IL1RAPL1: variants seen among roughly 807,000 people sequenced by gnomAD.
IL1RAPL1 encodes the protein interleukin 1 receptor accessory protein like 1.
A neutral mutation model predicts 48.4 loss-of-function variants in IL1RAPL1; 3 were observed. That is an observed-to-expected ratio of 0.06 (90% CI 0.03 to 0.16). The LOEUF (loss-of-function observed/expected upper bound fraction) is 0.16. Among genes scored for constraint, IL1RAPL1 ranks in the 10% least tolerant of loss-of-function variants. IL1RAPL1 has a pLI of 1.00. For missense variants in IL1RAPL1, 349 were observed against 530.6 expected, an observed-to-expected ratio of 0.66 and a Z score of 3.36; for synonymous variants, 185 against 187.7, an observed-to-expected ratio of 0.99 and a Z score of 0.12.
intron 6 of IL1RAPL1, among the ~76,000 whole-genome samples, chrX:29,782,053 A>G (rs184054005): frequency 9.0e-6 from 1 of 110,692 alleles, no homozygotes; most frequent in Non-Finnish European, 1.9e-5. Context: ...GAAACATTTC[A>G]GTTTCGTTGT....
intron 2 of IL1RAPL1, among the ~76,000 whole-genome samples, chrX:28,887,132 T>C (rs1029685528): frequency 1.8e-5 from 2 of 111,268 alleles, no homozygotes; most frequent in Admixed American, 9.6e-5. Flanking sequence ...TGTGGTTGTA[T>C]TGAGAGGTGG....
chrX:29,533,143 A>G (rs979985338), intron 5 of IL1RAPL1, among the ~76,000 whole-genome samples: 3 of 112,391 alleles, frequency 2.7e-5, no homozygotes, highest in African/African-American at 9.7e-5. Context: ...TCACCCATTT[A>G]AAGTACACAG....
At chrX:28,936,022 T>A (rs1161201777) in intron 2 of IL1RAPL1, among the ~76,000 whole-genome samples, 2 of 111,683 alleles carry the variant, frequency 1.8e-5, no homozygotes, top group African/African-American at 6.5e-5. Flanking sequence ...TAGGCAAATA[T>A]AGGTCACTGG....
At chrX:29,672,048 T>C (rs748569419) in intron 6 of IL1RAPL1, among the ~76,000 whole-genome samples, 3 of 112,026 alleles carry the variant, frequency 2.7e-5, no homozygotes, top group African/African-American at 6.5e-5. Context: ...CGCATTCTGC[T>C]CCTATTAAAT....
At chrX:29,309,616 C>T (rs979742050) in intron 3 of IL1RAPL1, among the ~76,000 whole-genome samples, 10 of 109,318 alleles carry the variant, frequency 9.1e-5, no homozygotes, top group Non-Finnish European at 1.9e-4. Flanking sequence ...AGTTTGAGAC[C>T]AGCCTGGCCA....
chrX:29,476,571 A>T lies in IL1RAPL1; in HGVS notation c.703+77263A>T, dbSNP rs774088621. Among the ~76,000 whole-genome samples, 44 of 111,350 alleles carry T rather than the reference A, an allele frequency of 4.0e-4. No individual in the cohort carries two copies. The South Asian group carries it at 0.017, about 42-fold the overall frequency. On this transcript the variant is annotated intron_variant, in intron 5 of 10. Coordinates refer to ENST00000378993, the MANE Select transcript of IL1RAPL1 (RefSeq NM_014271.4). Reference sequence around the variant, plus strand: ...CAATAATCATTAGATTAATGAACTAATAAATTAAAAGTGTTATACCCCATT... The same window carrying T: ...CAATAATCATTAGATTAATGAACTATTAAATTAAAAGTGTTATACCCCATT...
intron 2 of IL1RAPL1, among the ~76,000 whole-genome samples, chrX:29,236,529 C>CTT (rs1931300303): frequency 1.7e-5 from 1 of 60,351 alleles, no homozygotes; most frequent in African/African-American, 8.4e-5. Context: ...TTTTTCCTTT[C>CTT]TTTTTCTTTT....
At chrX:29,071,351 A>C (rs767422738) in intron 2 of IL1RAPL1, among the ~76,000 whole-genome samples, 2 of 111,982 alleles carry the variant, frequency 1.8e-5, no homozygotes, top group African/African-American at 3.2e-5. Context: ...AGTTTTATGA[A>C]AGTAATTCAA....
At chrX:28,959,676 A>G (rs894667420) in intron 2 of IL1RAPL1, among the ~76,000 whole-genome samples, 5 of 112,168 alleles carry the variant, frequency 4.5e-5, no homozygotes, top group Admixed American at 9.5e-5. Flanking sequence ...TAAGATGTTT[A>G]TGTAGCAAGG....
rs771890957 is a variant in IL1RAPL1, at chrX:29,429,974, G to C, written c.703+30666G>C. Among the ~76,000 whole-genome samples, 5 of 103,678 alleles carry C rather than the reference G, an allele frequency of 4.8e-5. No individual in the cohort carries two copies. The East Asian group carries it at 1.5e-3, about 32-fold the overall frequency. The allele number at this position is 103,678 out of a possible 115,157, so 90.0% of individuals were successfully genotyped here. A position where few individuals can be genotyped will look rare whatever the true frequency, so the allele number is the denominator to read the frequency against. On this transcript the variant is annotated intron_variant, in intron 5 of 10. Transcript: ENST00000378993. Reference sequence around the variant, plus strand: ...GTGGTCTTGCTCTGTTGCCCAGGCTGCTCTGCTCTTGGACTTCTGGCCTCA... The same window carrying C: ...GTGGTCTTGCTCTGTTGCCCAGGCTCCTCTGCTCTTGGACTTCTGGCCTCA...
At chrX:29,314,229 G>A (rs927612274) in intron 3 of IL1RAPL1, among the ~76,000 whole-genome samples, 7 of 111,978 alleles carry the variant, frequency 6.3e-5, no homozygotes, top group South Asian at 3.7e-4. Flanking sequence ...TTTTTATAGA[G>A]TTTTGAGGGG....
At chrX:29,498,748 G>A (rs1025354959) in intron 5 of IL1RAPL1, among the ~76,000 whole-genome samples, 2 of 111,067 alleles carry the variant, frequency 1.8e-5, no homozygotes, top group African/African-American at 6.5e-5. Context: ...CATAAATTCA[G>A]AATAAACATA....
chrX:28,820,920 G>A (rs1325239666), intron 2 of IL1RAPL1, among the ~76,000 whole-genome samples: 4 of 111,195 alleles, frequency 3.6e-5, no homozygotes, highest in Non-Finnish European at 7.6e-5. Context: ...GAATATACAA[G>A]GAAAGGAGTT....
At chrX:29,825,213 T>G (rs147447799) in intron 6 of IL1RAPL1, among the ~76,000 whole-genome samples, 3,349 of 111,144 alleles carry the variant, frequency 0.03, 128 homozygotes, top group African/African-American at 0.1. Context: ...TACTCTTTCC[T>G]CACTTCATAG....
At chrX:29,292,719 C>T (rs1932389808) in intron 3 of IL1RAPL1, among the ~76,000 whole-genome samples, 1 of 110,712 alleles carries the variant, frequency 9.0e-6, no homozygotes, top group South Asian at 3.8e-4. Flanking sequence ...TGTAGTTTCA[C>T]AATCTTGGTT....
chrX:29,435,454 C>T (rs1934471584), intron 5 of IL1RAPL1, among the ~76,000 whole-genome samples: 1 of 111,021 alleles, frequency 9.0e-6, no homozygotes, highest in Non-Finnish European at 1.9e-5. Flanking sequence ...TTTCCAATTT[C>T]TCCACATTCT....
At chrX:29,087,124 T>G (rs1927968717) in intron 2 of IL1RAPL1, among the ~76,000 whole-genome samples, 2 of 105,536 alleles carry the variant, frequency 1.9e-5, no homozygotes, top group South Asian at 8.2e-4. Context: ...ACAGAGGACA[T>G]TATTTAAAAA....
At chrX:28,948,083 C>T (rs945138436) in intron 2 of IL1RAPL1, among the ~76,000 whole-genome samples, 1 of 111,159 alleles carries the variant, frequency 9.0e-6, no homozygotes, top group Middle Eastern at 4.7e-3. Flanking sequence ...AAAGACTGTT[C>T]TACAGAAGAA....
chrX:29,373,986 T>A (rs5928004), intron 3 of IL1RAPL1, among the ~76,000 whole-genome samples: 2 of 102,148 alleles, frequency 2.0e-5, no homozygotes, highest in African/African-American at 7.2e-5. Flanking sequence ...GTGATAAAGG[T>A]TTGAGCCACA....
Sources: allele counts gnomAD v4.1 joint callset (sites outside exome capture counted in the v4.1 genomes callset), GRCh38; gene constraint gnomAD v4.1.1; transcripts MANE v1.5; gene names NCBI Gene and HGNC (gene_info 2026-07-23, HGNC 2026-07-21).